Variants in TAX1BP1 observed in about 807,000 individuals in gnomAD.
TAX1BP1 encodes tax1-binding protein 1.
In TAX1BP1, 62 loss-of-function variants were observed where a neutral mutation model predicts 97.7. That is an observed-to-expected ratio of 0.63 (90% CI 0.52 to 0.78). TAX1BP1 has a LOEUF of 0.78. TAX1BP1 is among the 30% of genes least tolerant of loss of function. TAX1BP1 has a pLI of 0.00. For missense variants in TAX1BP1, 867 were observed against 916.1 expected, an observed-to-expected ratio of 0.95 and a Z score of 0.69; for synonymous variants, 340 against 304.2, an observed-to-expected ratio of 1.12 and a Z score of -1.23.
chr7:27,817,069 C>T, intron 15 of TAX1BP1, 31 bp downstream of exon 15: 1 of 1,586,964 alleles, frequency 6.3e-7, no homozygotes, highest in Non-Finnish European at 8.5e-7. Context: ...GTGAGCCTGT[C>T]CCTTTTTTAT....
At chr7:27,742,846 T>C (rs1177459832) in intron 1 of TAX1BP1, among the ~76,000 whole-genome samples, 1 of 152,228 alleles carries the variant, frequency 6.6e-6, no homozygotes, top group East Asian at 1.9e-4. Context: ...AAATACCTTT[T>C]CCATAACAAA....
At chr7:27,768,395 A>G (rs1038883985) in intron 4 of TAX1BP1, among the ~76,000 whole-genome samples, 1 of 152,062 alleles carries the variant, frequency 6.6e-6, no homozygotes. Flanking sequence ...AGACATATAC[A>G]TTCTTATCTA....
At chr7:27,770,178 G>C (rs1788791704) in intron 5 of TAX1BP1, among the ~76,000 whole-genome samples, 1 of 151,518 alleles carries the variant, frequency 6.6e-6, no homozygotes, top group Non-Finnish European at 1.5e-5. Context: ...GGAAAAATGG[G>C]ATACATAAAT....
intron 1 of TAX1BP1, among the ~76,000 whole-genome samples, chr7:27,745,374 T>C (rs772244697): frequency 1.3e-5 from 2 of 152,178 alleles, no homozygotes; most frequent in Non-Finnish European, 2.9e-5. Context: ...CTGTTATCTG[T>C]AGGAGGAGTG....
intron 8 of TAX1BP1, among the ~76,000 whole-genome samples, chr7:27,790,033 T>TA (rs931209352): frequency 6.6e-6 from 1 of 151,920 alleles, no homozygotes; most frequent in African/African-American, 2.4e-5. Flanking sequence ...GTGATGGTTA[T>TA]AAAAAAATTT....
At chr7:27,828,549 A>G in intron 16 of TAX1BP1, 79 bp from the exon 17 acceptor site, 1 of 1,393,590 alleles carries the variant, frequency 7.2e-7, no homozygotes, top group South Asian at 1.3e-5. Flanking sequence ...AACTAGATAA[A>G]TGGAACCTTG....
Position 27,792,137 on chromosome 7 carries a change from C to A in TAX1BP1, c.1170C>A (p.Asp390Glu), listed in dbSNP as rs371768103. 1.2e-6 allele frequency: 2 copies of A among 1,613,872 alleles called. No homozygotes were observed. The highest frequency in any genetic ancestry group is 2.7e-5 in the African/African-American group (2 of 74,894). ...AVNVRDRTMA[D>E]LHTARLENEK... ...ACGTACGAGACAGAACGATGGCAGA[C>A]CTGCATACTGCACGCTTGGAAAACG... is the stretch of plus-strand genomic sequence containing the variant. The change falls in exon 9 of 17, where the codon GAC becomes GAA. Residue 390 changes from aspartate (D) to glutamate (E), a missense_variant. By Grantham distance (45) the Asp-to-Glu change is conservative. This residue lies in a region of TAX1BP1 where 822 missense variants were observed against 851.4 expected (regional missense o/e 0.97). Transcript: ENST00000396319.
In TAX1BP1 at chr7:27,829,759, G is replaced by T. The variant is rs1282312022; in HGVS notation, c.*930G>T. 1.3e-5 allele frequency: 2 copies of T among 152,156 alleles called. No individual in the cohort carries two copies. The highest frequency in any genetic ancestry group is 4.8e-5 in the African/African-American group (2 of 41,444). The allele number at this position is 152,156 out of a possible 1,614,324, so 9.4% of individuals were successfully genotyped here. A position where few individuals can be genotyped will look rare whatever the true frequency, so the allele number is the denominator to read the frequency against. On this transcript the variant is annotated 3_prime_UTR_variant, in exon 17 of 17. Coordinates refer to ENST00000396319, the MANE Select transcript of TAX1BP1 (RefSeq NM_006024.7). ...TAAAGAAAGAGGACACATTTTTCAA[G>T]ATCTGTAATTTCATTGTTGTCAAAT... is the stretch of plus-strand genomic sequence containing the variant.
chr7:27,813,807 G>A (rs1313366515), intron 13 of TAX1BP1, among the ~76,000 whole-genome samples: 1 of 152,150 alleles, frequency 6.6e-6, no homozygotes, highest in Non-Finnish European at 1.5e-5. Flanking sequence ...TTGTACAGTG[G>A]CCAATAGTCA....
chr7:27,798,385 T>C (rs1407771479), intron 12 of TAX1BP1, among the ~76,000 whole-genome samples: 1 of 151,924 alleles, frequency 6.6e-6, no homozygotes, highest in East Asian at 1.9e-4. Flanking sequence ...AATTACCTCC[T>C]GGGTGCAGTG....
At chr7:27,826,852 ATTGCT>A (rs751375211) in intron 15 of TAX1BP1, among the ~76,000 whole-genome samples, 2 of 152,210 alleles carry the variant, frequency 1.3e-5, no homozygotes, top group Non-Finnish European at 2.9e-5. Context: ...AGTTTAGTGC[ATTGCT>A]TTGCTTTAAC....
intron 13 of TAX1BP1, among the ~76,000 whole-genome samples, chr7:27,811,807 T>A (rs955572539): frequency 4.6e-5 from 7 of 152,238 alleles, no homozygotes; most frequent in Non-Finnish European, 1.0e-4. Flanking sequence ...GTCTGCTTTC[T>A]GTCCCTGTCG....
At chr7:27,781,913 T>C (rs1336811759) in intron 5 of TAX1BP1, among the ~76,000 whole-genome samples, 1 of 152,012 alleles carries the variant, frequency 6.6e-6, no homozygotes, top group African/African-American at 2.4e-5. Context: ...GAGACAGGGT[T>C]TCACCATGTT....
At chr7:27,772,324 C>T (rs1788877306) in intron 5 of TAX1BP1, 1 of 151,888 alleles carries the variant, frequency 6.6e-6, no homozygotes, top group Admixed American at 6.6e-5. Flanking sequence ...GGTGTGAATC[C>T]TATAGTAGTT....
intron 7 of TAX1BP1, among the ~76,000 whole-genome samples, chr7:27,787,138 C>A (rs910610626): frequency 2.6e-5 from 4 of 152,066 alleles, no homozygotes; most frequent in African/African-American, 9.7e-5. Flanking sequence ...TTAAAGAGAA[C>A]CTGAAACCAT....
chr7:27,781,535 A>T (rs569054632), intron 5 of TAX1BP1, among the ~76,000 whole-genome samples: 1 of 152,092 alleles, frequency 6.6e-6, no homozygotes, highest in Non-Finnish European at 1.5e-5. Context: ...TATTGTATAA[A>T]ATGTAAAATT....
At position 27,793,130 on chromosome 7, in the gene TAX1BP1, A is replaced by C; in HGVS notation, c.1328A>C (p.Gln443Pro). The change falls in exon 10 of 17, where the codon CAG (glutamine) becomes CCG (proline). Residue 443 changes from glutamine (Q) to proline (P), a missense_variant. This residue lies in a region of TAX1BP1 where 822 missense variants were observed against 851.4 expected (regional missense o/e 0.97). Coordinates refer to ENST00000396319, the MANE Select transcript of TAX1BP1 (RefSeq NM_006024.7). The stretch of plus-strand genomic sequence containing the variant: ...GTTGAAGATCTGAAACTCCGTCTTC[A>C]GATGGCTGCAGACCATTATAAAGAA... Reference protein sequence around the residue: ...REVEDLKLRLQMAADHYKEKF... With the variant: ...REVEDLKLRLPMAADHYKEKF... 6.2e-7 allele frequency: 1 copy of C among 1,604,802 alleles called. No homozygotes were observed. The highest frequency in any genetic ancestry group is 8.5e-7 in the Non-Finnish European group (1 of 1,177,880).
At chr7:27,776,964 T>C (rs1367699688) in intron 5 of TAX1BP1, among the ~76,000 whole-genome samples, 2 of 152,132 alleles carry the variant, frequency 1.3e-5, no homozygotes, top group Non-Finnish European at 2.9e-5. Flanking sequence ...TCTCAGACAT[T>C]GTTGTTTTCA....
At chr7:27,780,924 CATT>C (rs1298511625) in intron 5 of TAX1BP1, among the ~76,000 whole-genome samples, 1 of 152,044 alleles carries the variant, frequency 6.6e-6, no homozygotes, top group Admixed American at 6.6e-5. Flanking sequence ...AAGACTACAT[CATT>C]GAGTAGTTCC....
Sources: allele counts gnomAD v4.1 joint callset (sites outside exome capture counted in the v4.1 genomes callset), GRCh38; gene constraint gnomAD v4.1.1; regional missense constraint gnomAD v4.1.1; transcripts MANE v1.5; gene names NCBI Gene and HGNC (gene_info 2026-07-23, HGNC 2026-07-21).